CNTN1: variants seen among roughly 807,000 people sequenced by gnomAD.
CNTN1 encodes contactin 1, also known as contactin-1.
CNTN1 carries 38 observed loss-of-function variants against 126.4 expected under a neutral mutation model. The observed-to-expected ratio is 0.30, with a 90% CI of 0.23 to 0.39. The LOEUF is 0.39. Among genes scored for constraint, CNTN1 ranks in the 10% least tolerant of loss-of-function variants. CNTN1 has a pLI of 1.00. For synonymous variants in CNTN1, 413 were observed against 422.6 expected (o/e 0.98, Z 0.28); for missense variants, 1,009 against 1,248.4 (o/e 0.81, Z 2.89).
intron 3 of CNTN1, among the ~76,000 whole-genome samples, chr12:40,916,740 G>T (rs931799888): frequency 6.6e-6 from 1 of 152,000 alleles, no homozygotes; most frequent in Non-Finnish European, 1.5e-5. Context: ...AATTGTGGTA[G>T]GCACATGGAG....
At chr12:40,776,482 T>A (rs1939581837) in intron 1 of CNTN1, among the ~76,000 whole-genome samples, 1 of 151,516 alleles carries the variant, frequency 6.6e-6, no homozygotes, top group Non-Finnish European at 1.5e-5. Context: ...TTCTGTGAAA[T>A]ACTGTGGGGT....
At chr12:40,910,173 T>C in intron 3 of CNTN1, 68 bp downstream of exon 3, 1 of 1,229,616 alleles carries the variant, frequency 8.1e-7, no homozygotes, top group Non-Finnish European at 1.2e-6. Flanking sequence ...ATCTCTGCTT[T>C]AAACTATTAA....
At chr12:41,060,355 A>G (rs1290974575) in intron 23 of CNTN1, among the ~76,000 whole-genome samples, 1 of 152,212 alleles carries the variant, frequency 6.6e-6, no homozygotes, top group Non-Finnish European at 1.5e-5. Flanking sequence ...TGCACTGAAG[A>G]GGAACCATTA....
intron 1 of CNTN1, among the ~76,000 whole-genome samples, chr12:40,808,577 G>A (rs1345775337): frequency 6.6e-6 from 1 of 152,064 alleles, no homozygotes; most frequent in Non-Finnish European, 1.5e-5. Flanking sequence ...ATAATTTAAA[G>A]CTTATCATTT....
chr12:40,974,805 A>G (rs1489688641), intron 15 of CNTN1, among the ~76,000 whole-genome samples: 1 of 152,132 alleles, frequency 6.6e-6, no homozygotes, highest in African/African-American at 2.4e-5. Flanking sequence ...GGTAAGAATT[A>G]TAAAAGATTT....
At chr12:40,705,186 G>C (rs142197700) in intron 1 of CNTN1, among the ~76,000 whole-genome samples, 4 of 152,106 alleles carry the variant, frequency 2.6e-5, no homozygotes. Context: ...GGTATTTCTC[G>C]AAGCTAATGA....
At chr12:41,029,346 C>A (rs982854213) in intron 23 of CNTN1, 127 bp downstream of exon 23, 8 of 1,047,596 alleles carry the variant, frequency 7.6e-6, no homozygotes, top group Non-Finnish European at 1.2e-5. Flanking sequence ...TTGGACATAT[C>A]AAGGATTCCC....
intron 1 of CNTN1, among the ~76,000 whole-genome samples, chr12:40,746,643 A>AT (rs1193234315): frequency 2.0e-5 from 3 of 151,892 alleles, no homozygotes; most frequent in African/African-American, 7.3e-5. Context: ...GTTTCCCTTG[A>AT]TTTTTCCCTT....
chr12:40,983,494 AGTGTATGT>A (rs1043909035), intron 16 of CNTN1, among the ~76,000 whole-genome samples: 4 of 146,244 alleles, frequency 2.7e-5, no homozygotes, highest in Admixed American at 6.8e-5. Context: ...TGTGTGTGTG[AGTGTATGT>A]GTGTATGTGT....
chr12:40,951,580 A>G (rs1489330206), intron 14 of CNTN1, among the ~76,000 whole-genome samples: 3 of 151,886 alleles, frequency 2.0e-5, no homozygotes, highest in Admixed American at 6.6e-5. Context: ...GTGGTGGTGC[A>G]CACCTGTAAT....
At chr12:40,778,497 A>G (rs1398012555) in intron 1 of CNTN1, among the ~76,000 whole-genome samples, 2 of 152,000 alleles carry the variant, frequency 1.3e-5, no homozygotes, top group South Asian at 2.1e-4. Context: ...ATTTTAAAAT[A>G]CCAATTCACT....
chr12:40,913,202 T>TA (rs1292347101), intron 3 of CNTN1, among the ~76,000 whole-genome samples: 1 of 152,162 alleles, frequency 6.6e-6, no homozygotes, highest in Non-Finnish European at 1.5e-5. Context: ...TGTTTAGTTA[T>TA]AAAAAAGTAC....
At chr12:40,733,696 T>C (rs1942553082) in intron 1 of CNTN1, among the ~76,000 whole-genome samples, 1 of 152,024 alleles carries the variant, frequency 6.6e-6, no homozygotes, top group African/African-American at 2.4e-5. Flanking sequence ...CTAAATATTT[T>C]ATATTTAAAA....
chr12:41,025,398 G>A (rs901294677), intron 21 of CNTN1, 62 bp downstream of exon 21: 16 of 1,516,272 alleles, frequency 1.1e-5, no homozygotes, highest in African/African-American at 9.6e-5. Context: ...ATCATGATAC[G>A]AATATATTTG....
rs1948795182 is a variant in CNTN1 at position 41,016,958 on chromosome 12, A to G, written c.2419+42A>G. 3 of 1,513,876 alleles carry G rather than the reference A, an allele frequency of 2.0e-6. No individual in the cohort carries two copies. The African/African-American group carries it at 4.1e-5, about 21-fold the overall frequency. 93.8% of individuals were successfully genotyped at this position (1,513,876 alleles called of 1,614,324 possible). On this transcript the variant is annotated intron_variant, in intron 19 of 23. Coordinates refer to ENST00000551295, the MANE Select transcript of CNTN1 (RefSeq NM_001843.4). ...CCTTCTTACCTGAGGAGGGAGGAAA[A>G]ACGTATTTCTCTAGCAGGCATTTAG...
chr12:40,702,576 C>G (rs1246213485), intron 1 of CNTN1, among the ~76,000 whole-genome samples: 1 of 152,128 alleles, frequency 6.6e-6, no homozygotes, highest in African/African-American at 2.4e-5. Flanking sequence ...TCCCAAGTAG[C>G]TGAGATTACA....
chr12:41,069,910 G>C (rs1324445733), intron 23 of CNTN1, 49 bp from the exon 24 acceptor site: 10 of 1,464,428 alleles, frequency 6.8e-6, no homozygotes, highest in Middle Eastern at 3.5e-4. Flanking sequence ...ATGAGCAATA[G>C]TGACATGTAT....
chr12:40,982,436 G>T (rs1947843966), intron 16 of CNTN1, among the ~76,000 whole-genome samples: 1 of 152,074 alleles, frequency 6.6e-6, no homozygotes, highest in South Asian at 2.1e-4. Flanking sequence ...GTTTGGCCCT[G>T]AAAAAAGAAA....
At chr12:41,027,996 T>A in intron 22 of CNTN1, 27 bp downstream of exon 22, 1 of 1,448,706 alleles carries the variant, frequency 6.9e-7, no homozygotes, top group Non-Finnish European at 9.7e-7. Context: ...ATGATTAATG[T>A]TTGCAATTCT....
Sources: gnomAD v4.1 joint callset for allele counts (sites outside exome capture counted in the v4.1 genomes callset) on GRCh38, gnomAD v4.1.1 for gene constraint, MANE v1.5 for transcripts, NCBI Gene and HGNC (gene_info 2026-07-23, HGNC 2026-07-21) for gene names.